Variants in SLC16A13 observed in about 807,000 individuals in gnomAD.
SLC16A13 encodes solute carrier family 16 member 13, also known as monocarboxylate transporter 13.
In SLC16A13, 28 loss-of-function variants were observed where a neutral mutation model predicts 28.1. That is an observed-to-expected ratio of 1.00 (90% CI 0.74 to 1.37). SLC16A13 has a LOEUF of 1.37. Among genes scored for constraint, SLC16A13 ranks in the 40% most tolerant of loss-of-function variants. The probability of loss-of-function intolerance (pLI) is 0.00; values close to 1 mark genes in which losing one functional copy is unlikely to be tolerated. For missense variants in SLC16A13, 482 were observed against 531.8 expected (o/e 0.91, Z 0.92); for synonymous variants, 228 against 241.6 (o/e 0.94, Z 0.52).
At chr17:7,037,867 G>T (rs779904877) in intron 2 of SLC16A13, among the ~76,000 whole-genome samples, 3 of 152,220 alleles carry the variant, frequency 2.0e-5, no homozygotes, top group Non-Finnish European at 4.4e-5. Flanking sequence ...GTAGAGCCCA[G>T]GTCTAACTCC....
Position 7,038,911 on chromosome 17 carries a change from G to A in SLC16A13, c.1081+22G>A, listed in dbSNP as rs1910654980. The A allele has an allele frequency of 6.3e-7, 1 of 1,583,634 alleles. No homozygotes were observed. Among genetic ancestry groups the A allele is most frequent in the East Asian group, 2.2e-5 (1 of 44,752 alleles). On this transcript the variant is annotated intron_variant, in intron 3 of 3. Coordinates refer to ENST00000308027, the MANE Select transcript of SLC16A13 (RefSeq NM_201566.3). This position sits in a 1 kb window ranked among gnomAD's most constrained non-coding sequence, Gnocchi z 5.7. ...TCAGGTAAGTGGAATGGGGTTCCCA[G>A]GGGGTGAGGGCTGCCATGTTGCACA...
rs1413682325 is a variant in SLC16A13 at position 7,036,296 on chromosome 17, G to A, written c.-87G>A. On this transcript the variant is annotated 5_prime_UTR_variant, in exon 1 of 4. Coordinates refer to ENST00000308027, the MANE Select transcript of SLC16A13 (RefSeq NM_201566.3). Reference sequence around the variant, plus strand: ...ACCCCTCTCGGCCCCGAGCCACCCGGCAGCGGGGGTGGGTGTGCAGAGGTG... The same window carrying A: ...ACCCCTCTCGGCCCCGAGCCACCCGACAGCGGGGGTGGGTGTGCAGAGGTG... 8 of 1,389,314 alleles carry A rather than the reference G, an allele frequency of 5.8e-6. No homozygotes were observed. The Admixed American group carries it at 1.1e-4, about 20-fold the overall frequency. 86.1% of individuals were successfully genotyped at this position (1,389,314 alleles called of 1,614,324 possible). A position where few individuals can be genotyped will look rare whatever the true frequency, so the allele number is the denominator to read the frequency against.
rs1038758324 is a variant in SLC16A13, at chr17:7,039,194, T to C, written c.1081+305T>C. 6.6e-6 allele frequency among the ~76,000 whole-genome samples: 1 copy of C among 152,184 alleles called. No homozygotes were observed. Among genetic ancestry groups the C allele is most frequent in the Non-Finnish European group, 1.5e-5 (1 of 68,024 alleles). ...ACGTAGCATTCCAGTGTGCACCCTT[T>C]CCTTTGGCCTACTGGGCCCCAAACC... is the stretch of plus-strand genomic sequence containing the variant. On this transcript the variant is annotated intron_variant, in intron 3 of 3. Transcript: ENST00000308027. This position sits in a 1 kb window ranked among gnomAD's most constrained non-coding sequence, Gnocchi z 4.3.
chr17:7,038,319 T>A lies in SLC16A13; in HGVS notation c.511T>A (p.Ser171Thr). 3 of 1,613,820 alleles carry A rather than the reference T, an allele frequency of 1.9e-6. No individual in the cohort carries two copies. Among genetic ancestry groups the A allele is most frequent in the Non-Finnish European group, 2.5e-6 (3 of 1,179,958 alleles). ...WLLSHYAWRG[S>T]LLLVSALSLH... ...GCTCAGCCACTACGCCTGGAGGGGGTCCCTGCTGCTGGTGTCTGCCCTCTC... is the reference window on the plus strand; with the variant it reads ...GCTCAGCCACTACGCCTGGAGGGGGACCCTGCTGCTGGTGTCTGCCCTCTC... Residue 171 changes from serine (S) to threonine (T), a missense_variant, in exon 3 of 4, where the codon TCC becomes ACC. Ser to Thr is a moderately conservative substitution (Grantham distance 58). Transcript: ENST00000308027. The surrounding 1 kb of genome is among the most constrained non-coding windows in gnomAD (Gnocchi z 5.7).
Position 7,039,742 on chromosome 17 carries a change from C to A in SLC16A13, c.1082-21C>A, listed in dbSNP as rs1474999181. 6.2e-7 allele frequency: 1 copy of A among 1,613,710 alleles called. No individual in the cohort carries two copies. The highest frequency in any genetic ancestry group is 1.7e-5 in the Admixed American group (1 of 59,960). On this transcript the variant is annotated intron_variant, in intron 3 of 3. Coordinates refer to ENST00000308027, the MANE Select transcript of SLC16A13 (RefSeq NM_201566.3). The surrounding 1 kb of genome is among the most constrained non-coding windows in gnomAD (Gnocchi z 4.3). The stretch of plus-strand genomic sequence containing the variant: ...AGCAAATAGATCACTCATGTGTATT[C>A]TTTTTCTCTCTTGGACCTAGGCTAC...
chr17:7,036,692 G>A, intron 1 of SLC16A13, 35 bp from the exon 2 acceptor site: 1 of 1,608,876 alleles, frequency 6.2e-7, no homozygotes, highest in Non-Finnish European at 8.5e-7. Flanking sequence ...GGAGACCCCT[G>A]AGATCTTCTC....
Position 7,037,033 on chromosome 17 carries a change from T to C in SLC16A13, c.343+163T>C, listed in dbSNP as rs1429259998. Reference sequence around the variant, plus strand: ...ATAGGAATGACTAAAGCGACAAACATGGTGAGGAATTAGGAAATTCAAGGA... The same window carrying C: ...ATAGGAATGACTAAAGCGACAAACACGGTGAGGAATTAGGAAATTCAAGGA... On this transcript the variant is annotated intron_variant, in intron 2 of 3. Coordinates refer to ENST00000308027, the MANE Select transcript of SLC16A13 (RefSeq NM_201566.3). 3.4e-6 allele frequency: 3 copies of C among 889,756 alleles called. No homozygotes were observed. The East Asian group carries it at 7.7e-5, about 23-fold the overall frequency. 55.1% of individuals were successfully genotyped at this position (889,756 alleles called of 1,614,324 possible).
chr17:7,038,140 C>G lies in SLC16A13; in HGVS notation c.344-12C>G, dbSNP rs748814665. ...CTAAGAGTTCTCAACACCACTTCTTCCTTTTTGACAGGCTCTGGCTGGGCT... is the reference window on the plus strand; with the variant it reads ...CTAAGAGTTCTCAACACCACTTCTTGCTTTTTGACAGGCTCTGGCTGGGCT... On this transcript the variant is annotated splice_polypyrimidine_tract_variant and intron_variant, in intron 2 of 3. Coordinates refer to ENST00000308027, the MANE Select transcript of SLC16A13 (RefSeq NM_201566.3). The surrounding 1 kb of genome is among the most constrained non-coding windows in gnomAD (Gnocchi z 5.7). 1.2e-6 allele frequency: 2 copies of G among 1,604,502 alleles called. No homozygotes were observed. The highest frequency in any genetic ancestry group is 2.2e-5 in the South Asian group (2 of 90,288).
In SLC16A13 at chr17:7,036,546, T is replaced by G; in HGVS notation, c.164T>G (p.Ile55Ser). The G allele has an allele frequency of 6.2e-7, 1 of 1,612,376 alleles. No individual in the cohort carries two copies. The highest frequency in any genetic ancestry group is 8.5e-7 in the Non-Finnish European group (1 of 1,179,964). The part of the protein sequence containing the change: ...FEEQAARVSW[I>S]ASIGIAVQQF... Reference sequence around the variant, plus strand: ...GAGCAGGCAGCGCGCGTCTCCTGGATCGCCTCCATAGGAATCGCGGTGCAG... The same window carrying G: ...GAGCAGGCAGCGCGCGTCTCCTGGAGCGCCTCCATAGGAATCGCGGTGCAG... Residue 55 changes from isoleucine to serine, a missense_variant, in exon 1 of 4, where the codon ATC becomes AGC. Physicochemically the swap from Ile to Ser is moderately radical, Grantham distance 142. Transcript: ENST00000308027.
At position 7,039,890 on chromosome 17, in the gene SLC16A13, G is replaced by A. The variant is rs775776869; in HGVS notation, c.1209G>A (p.Gly403=). 21 of 1,613,900 alleles carry A rather than the reference G, an allele frequency of 1.3e-5. 1 individual carries two copies. In the South Asian group the frequency reaches 2.1e-4, roughly 16 times the overall value. ...HFFCFSTTTS[G]PQDLVTEALD... Reference sequence around the variant, plus strand: ...TCTGCTTCTCAACTACTACCTCCGGGCCCCAGGACCTTGTAACAGAAGCAC... The same window carrying A: ...TCTGCTTCTCAACTACTACCTCCGGACCCCAGGACCTTGTAACAGAAGCAC... Residue 403 remains glycine, a synonymous_variant, in exon 4 of 4, where the codon GGG becomes GGA. Transcript: ENST00000308027. This position sits in a 1 kb window ranked among gnomAD's most constrained non-coding sequence, Gnocchi z 4.3.
chr17:7,038,374 T>G lies in SLC16A13; in HGVS notation c.566T>G (p.Leu189Arg), dbSNP rs1167860640. 3.1e-6 allele frequency: 5 copies of G among 1,613,968 alleles called. No homozygotes were observed. In the Admixed American group the frequency reaches 8.3e-5, roughly 27 times the overall value. Residue 189 changes from leucine to arginine, a missense_variant, in exon 3 of 4, where the codon CTC (leucine) becomes CGC (arginine). By Grantham distance (102) the Leu-to-Arg change is moderately radical. Transcript: ENST00000308027. This position sits in a 1 kb window ranked among gnomAD's most constrained non-coding sequence, Gnocchi z 5.7. ...CACCTAGTGGCCTGTGGTGCTCTCC[T>G]CCGCCCACCCTCCCTGGCTGAGGAC... The part of the protein sequence containing the change: ...SLHLVACGAL[L>R]RPPSLAEDPA...
Position 7,038,877 on chromosome 17 carries a change from C to T in SLC16A13, c.1069C>T (p.Pro357Ser). The T allele has an allele frequency of 1.2e-6, 2 of 1,606,840 alleles. No homozygotes were observed. The highest frequency in any genetic ancestry group is 1.7e-6 in the Non-Finnish European group (2 of 1,176,146). Residue 357 changes from proline (P) to serine (S), a missense_variant, in exon 3 of 4, where the codon CCT (proline) becomes TCT (serine). Physicochemically the swap from Pro to Ser is moderately conservative, Grantham distance 74. Coordinates refer to ENST00000308027, the MANE Select transcript of SLC16A13 (RefSeq NM_201566.3). This position sits in a 1 kb window ranked among gnomAD's most constrained non-coding sequence, Gnocchi z 5.7. ...MIESIGGLLG[P>S]PLSGYLRDVT... ...AGAGAGCATCGGGGGGCTGCTGGGGCCTCCTCTCTCAGGTAAGTGGAATGG... is the reference window on the plus strand; with the variant it reads ...AGAGAGCATCGGGGGGCTGCTGGGGTCTCCTCTCTCAGGTAAGTGGAATGG...
At position 7,036,740 on chromosome 17, in the gene SLC16A13, T is replaced by C; in HGVS notation, c.213T>C (p.Ser71=). The C allele has an allele frequency of 6.2e-7, 1 of 1,613,070 alleles. No homozygotes were observed. The highest frequency in any genetic ancestry group is 8.5e-7 in the Non-Finnish European group (1 of 1,180,024). The change falls in exon 2 of 4, where the codon AGT becomes AGC. Residue 71 remains serine, a synonymous_variant. Coordinates refer to ENST00000308027, the MANE Select transcript of SLC16A13 (RefSeq NM_201566.3). ...AVQQFGSPVG[S]ALSTKFGPRP... The stretch of plus-strand genomic sequence containing the variant: ...CCACTTCCTCAGGCCCGGTAGGCAG[T>C]GCCCTGAGCACGAAGTTCGGGCCCA...
In SLC16A13 at chr17:7,036,675, C is replaced by T. The variant is rs1254737367; in HGVS notation, c.200-52C>T. On this transcript the variant is annotated intron_variant, in intron 1 of 3. Transcript: ENST00000308027. ...GTGGAAGGGCGAGGGGCGGGAGATG[C>T]TGGGGGGGAGACCCCTGAGATCTTC... is the stretch of plus-strand genomic sequence containing the variant. 1.9e-6 allele frequency: 3 copies of T among 1,606,946 alleles called. No homozygotes were observed. The Admixed American group carries it at 5.0e-5, about 27-fold the overall frequency.
chr17:7,036,635 T>TGCG (rs1308112289), intron 1 of SLC16A13, 54 bp downstream of exon 1: 2 of 1,609,324 alleles, frequency 1.2e-6, no homozygotes, highest in Non-Finnish European at 1.7e-6. Context: ...GGAGAGGGAA[T>TGCG]GCGGCGACTG....
Position 7,037,341 on chromosome 17 carries a change from C to CAAAAAAAA in SLC16A13, c.343+482_343+489dup, listed in dbSNP as rs57010713. On this transcript the variant is annotated intron_variant, in intron 2 of 3. Coordinates refer to ENST00000308027, the MANE Select transcript of SLC16A13 (RefSeq NM_201566.3). ...TGGGCGACAGAGCAAGATTCTGTCT[C>CAAAAAAAA]AAAAAAAAAAAAAAAAAAGATGAAA... 6.5e-3 allele frequency among the ~76,000 whole-genome samples: 275 copies of CAAAAAAAA among 41,986 alleles called. 63 individuals carry two copies. The highest frequency in any genetic ancestry group is 0.01 in the African/African-American group (111 of 10,882). 27.5% of individuals were successfully genotyped at this position (41,986 alleles called of 152,430 possible). A position where few individuals can be genotyped will look rare whatever the true frequency, so the allele number is the denominator to read the frequency against.
chr17:7,038,059 C>A lies in SLC16A13; in HGVS notation c.344-93C>A. 1 of 1,434,526 alleles carries A rather than the reference C, an allele frequency of 7.0e-7. No individual in the cohort carries two copies. 88.9% of individuals were successfully genotyped at this position (1,434,526 alleles called of 1,614,324 possible). On this transcript the variant is annotated intron_variant, in intron 2 of 3. Transcript: ENST00000308027. The surrounding 1 kb of genome is among the most constrained non-coding windows in gnomAD (Gnocchi z 5.7). ...ATCCCAGGTCTGTGGGACTCCGAAG[C>A]AAGTGCTACATTCTGCTGCTGGGCA...
At position 7,036,436 on chromosome 17, in the gene SLC16A13, CTCAGCGTTCTTCCAG is replaced by C. The variant is rs1250929214; in HGVS notation, c.57_71del (p.Phe21_Ala25del). The C allele has an allele frequency of 4.3e-6, 7 of 1,612,160 alleles. No homozygotes were observed. The highest frequency in any genetic ancestry group is 5.1e-6 in the Non-Finnish European group (6 of 1,180,046). On this transcript the variant is annotated inframe_deletion, in exon 1 of 4. Coordinates refer to ENST00000308027, the MANE Select transcript of SLC16A13 (RefSeq NM_201566.3). ...GGGGCTGGGGATGGGTGGTGGTGCT[CTCAGCGTTCTTCCAG>C]TCGGCGCTTGTGTTTGGGGTGCTCC...
At position 7,036,249 on chromosome 17, in the gene SLC16A13, T is replaced by G; in HGVS notation, c.-134T>G. 1 of 879,234 alleles carries G rather than the reference T, an allele frequency of 1.1e-6. No individual in the cohort carries two copies. The highest frequency in any genetic ancestry group is 1.7e-6 in the Non-Finnish European group (1 of 577,962). 54.5% of individuals were successfully genotyped at this position (879,234 alleles called of 1,614,324 possible). A position where few individuals can be genotyped will look rare whatever the true frequency, so the allele number is the denominator to read the frequency against. The stretch of plus-strand genomic sequence containing the variant: ...GGCCTCTCGCCGCCTCGTCGGGCCC[T>G]TCCTCTCTACCTGCCTCTCCAACCC... On this transcript the variant is annotated 5_prime_UTR_variant, in exon 1 of 4. Coordinates refer to ENST00000308027, the MANE Select transcript of SLC16A13 (RefSeq NM_201566.3).
Sources: allele counts gnomAD v4.1 joint callset (sites outside exome capture counted in the v4.1 genomes callset), GRCh38; gene constraint gnomAD v4.1.1; non-coding constraint Gnocchi (gnomAD v3.1); transcripts MANE v1.5; gene names NCBI Gene and HGNC (gene_info 2026-07-23, HGNC 2026-07-21).